MINDY2: variants seen among roughly 807,000 people sequenced by gnomAD.
The protein encoded by MINDY2 is ubiquitin carboxyl-terminal hydrolase MINDY-2.
MINDY2 carries 52 observed loss-of-function variants against 68.2 expected under a neutral mutation model. That is an observed-to-expected ratio of 0.76 (90% confidence interval 0.61 to 0.96). The LOEUF is 0.96. Among genes scored for constraint, MINDY2 ranks in the 40% least tolerant of loss-of-function variants. The pLI is 0.00. For missense variants in MINDY2, 881 were observed against 773.4 expected (o/e 1.14, Z -1.65); for synonymous variants, 372 against 303.0 (o/e 1.23, Z -2.36).
In MINDY2 at chr15:58,859,080, TAA is replaced by T. The variant is rs377579907; in HGVS notation, c.*4471_*4472del. 9.9e-5 allele frequency: 15 copies of T among 152,244 alleles called. No individual in the cohort carries two copies. Among genetic ancestry groups the T allele is most frequent in the African/African-American group, 2.9e-4 (12 of 41,568 alleles). 9.4% of individuals were successfully genotyped at this position (152,244 alleles called of 1,614,324 possible). On this transcript the variant is annotated 3_prime_UTR_variant, in exon 9 of 9. Coordinates refer to ENST00000559228, the MANE Select transcript of MINDY2 (RefSeq NM_001040450.3). Reference sequence around the variant, plus strand: ...TTTTTCTCAATAACAAAATATATCTTAAGTCAGTTTTTTTAATGCTGTCAAAA... The same window carrying T: ...TTTTTCTCAATAACAAAATATATCTTGTCAGTTTTTTTAATGCTGTCAAAA...
chr15:58,837,812 T>C (rs1006856015), intron 6 of MINDY2, among the ~76,000 whole-genome samples: 1 of 151,452 alleles, frequency 6.6e-6, no homozygotes, highest in East Asian at 1.9e-4. Flanking sequence ...CAAAAAACTT[T>C]AAAAAAATTA....
At chr15:58,772,433 A>C (rs1379971981) in intron 1 of MINDY2, among the ~76,000 whole-genome samples, 198 bp downstream of exon 1, 4 of 152,190 alleles carry the variant, frequency 2.6e-5, no homozygotes, top group Non-Finnish European at 5.9e-5. Context: ...CCCTAACCTC[A>C]GTCTTCTCTT....
intron 4 of MINDY2, among the ~76,000 whole-genome samples, chr15:58,820,568 A>G (rs1429155217): frequency 3.9e-5 from 6 of 152,212 alleles, no homozygotes; most frequent in Non-Finnish European, 8.8e-5. Flanking sequence ...GTATGAGTTA[A>G]GAGGCTTTTA....
At chr15:58,803,540 G>C (rs1004853668) in intron 3 of MINDY2, among the ~76,000 whole-genome samples, 3 of 151,714 alleles carry the variant, frequency 2.0e-5, no homozygotes, top group South Asian at 4.2e-4. Context: ...ATCTAGGCCA[G>C]ATGCGGTGAC....
intron 6 of MINDY2, among the ~76,000 whole-genome samples, chr15:58,837,968 CAAAAAAAAAAA>C (rs34909401): frequency 1.6e-4 from 12 of 75,128 alleles, no homozygotes; most frequent in East Asian, 9.8e-4. Flanking sequence ...GACCTTCTTT[CAAAAAAAAAAA>C]AAAAAAAAAA....
In MINDY2 at chr15:58,841,033, G is replaced by A. The variant is rs529773349; in HGVS notation, c.1369-6264G>A. 1.8e-3 allele frequency among the ~76,000 whole-genome samples: 272 copies of A among 150,086 alleles called. 2 individuals carry two copies. Among genetic ancestry groups the A allele is most frequent in the African/African-American group, 6.5e-3 (265 of 40,766 alleles). ...CTTTCATTCTGTCACCCAGGCTAGA[G>A]TGCAGTGGCATGATCTTGGCTCACT... On this transcript the variant is annotated intron_variant, in intron 6 of 8. Coordinates refer to ENST00000559228, the MANE Select transcript of MINDY2 (RefSeq NM_001040450.3).
At chr15:58,805,794 G>A (rs111836391) in intron 3 of MINDY2, among the ~76,000 whole-genome samples, 5,132 of 152,132 alleles carry the variant, frequency 0.034, 94 homozygotes, top group African/African-American at 0.05. Context: ...ACAGAGTCTC[G>A]GCTGGGCACA....
chr15:58,824,613 G>C (rs1198919864), intron 5 of MINDY2, among the ~76,000 whole-genome samples: 4 of 151,024 alleles, frequency 2.6e-5, no homozygotes, highest in African/African-American at 4.9e-5. Flanking sequence ...GAAAATAAAA[G>C]ACCGTAATAG....
chr15:58,825,167 G>C (rs1218148830), intron 5 of MINDY2, among the ~76,000 whole-genome samples: 1 of 152,052 alleles, frequency 6.6e-6, no homozygotes, highest in African/African-American at 2.4e-5. Flanking sequence ...TTCCTATCAA[G>C]GTATGAGGAA....
rs764540000 is a variant in MINDY2 at position 58,771,642 on chromosome 15, G to T, written c.247G>T (p.Ala83Ser). The T allele has an allele frequency of 1.2e-6, 2 of 1,612,486 alleles. No homozygotes were observed. The highest frequency in any genetic ancestry group is 1.7e-6 in the Non-Finnish European group (2 of 1,179,894). ...PEVPGPCSSSAGLDLKDSGLE... is the reference protein window; with the variant it reads ...PEVPGPCSSSSGLDLKDSGLE... ...GGTTCCCGGACCCTGCAGCTCCTCC[G>T]CGGGTTTGGACTTGAAGGACAGTGG... The change falls in exon 1 of 9, where the codon GCG (alanine) becomes TCG (serine). Residue 83 changes from alanine (A) to serine (S), a missense_variant. Physicochemically the swap from Ala to Ser is moderately conservative, Grantham distance 99 (BLOSUM62 1). Coordinates refer to ENST00000559228, the MANE Select transcript of MINDY2 (RefSeq NM_001040450.3).
intron 5 of MINDY2, among the ~76,000 whole-genome samples, chr15:58,828,714 C>A (rs1669159156): frequency 6.6e-6 from 1 of 151,530 alleles, no homozygotes; most frequent in African/African-American, 2.4e-5. Context: ...GCGCCTGCCA[C>A]CATGCCTGGC....
chr15:58,784,804 G>A (rs1901377616), intron 1 of MINDY2, among the ~76,000 whole-genome samples: 2 of 151,262 alleles, frequency 1.3e-5, no homozygotes, highest in South Asian at 4.2e-4. Flanking sequence ...TGTTTGTTTT[G>A]GGACTTTTTC....
intron 1 of MINDY2, among the ~76,000 whole-genome samples, chr15:58,773,723 C>T (rs1900588720): frequency 6.6e-6 from 1 of 150,980 alleles, no homozygotes; most frequent in African/African-American, 2.4e-5. Flanking sequence ...GTTTTAAAGA[C>T]AAATTAGAGC....
intron 7 of MINDY2, among the ~76,000 whole-genome samples, chr15:58,848,339 A>G (rs1254935105): frequency 6.6e-6 from 1 of 152,208 alleles, no homozygotes; most frequent in Non-Finnish European, 1.5e-5. Context: ...AAGATAAATC[A>G]TTGAGTCCTG....
At chr15:58,788,077 T>C (rs1901629321) in intron 2 of MINDY2, 114 bp downstream of exon 2, 4 of 648,528 alleles carry the variant, frequency 6.2e-6, no homozygotes, top group Admixed American at 3.0e-5. Context: ...TTTAAAATTA[T>C]AGTTTTGAAT....
At chr15:58,775,679 T>C (rs1443257852) in intron 1 of MINDY2, among the ~76,000 whole-genome samples, 1 of 152,084 alleles carries the variant, frequency 6.6e-6, no homozygotes, top group Non-Finnish European at 1.5e-5. Flanking sequence ...CAAACCTGGG[T>C]AATAGAGATT....
chr15:58,797,471 G>C (rs1902359306), intron 2 of MINDY2, among the ~76,000 whole-genome samples: 1 of 152,190 alleles, frequency 6.6e-6, no homozygotes. Flanking sequence ...TTGTGCCACT[G>C]TACTCCAGCC....
At position 58,810,416 on chromosome 15, in the gene MINDY2, A is replaced by G. The variant is rs756609224; in HGVS notation, c.1122+28A>G. 2.6e-6 allele frequency: 4 copies of G among 1,509,524 alleles called. No individual in the cohort carries two copies. In the Admixed American group the frequency reaches 9.2e-5, roughly 35 times the overall value. The allele number at this position is 1,509,524 out of a possible 1,614,324, so 93.5% of individuals were successfully genotyped here. The stretch of plus-strand genomic sequence containing the variant: ...AAGTCGAAGAATTTAAATTATGTAA[A>G]CACAAATACAGGAAAAATGTATTAA... On this transcript the variant is annotated intron_variant, in intron 4 of 8. Coordinates refer to ENST00000559228, the MANE Select transcript of MINDY2 (RefSeq NM_001040450.3).
At chr15:58,838,069 C>T (rs1467994241) in intron 6 of MINDY2, among the ~76,000 whole-genome samples, 1 of 151,660 alleles carries the variant, frequency 6.6e-6, no homozygotes, top group Non-Finnish European at 1.5e-5. Context: ...ACATCTATCG[C>T]ATAAATACAT....
Sources: gnomAD v4.1 joint callset for allele counts (sites outside exome capture counted in the v4.1 genomes callset) on GRCh38, gnomAD v4.1.1 for gene constraint, MANE v1.5 for transcripts, NCBI Gene and HGNC (gene_info 2026-07-23, HGNC 2026-07-21) for gene names.